The following GRIK2 variants were observed in gnomAD, a reference collection of about 807,000 sequenced individuals.
GRIK2 encodes glutamate receptor ionotropic, kainate 2.
Under a neutral mutation model 100.3 loss-of-function variants are expected in GRIK2, and 32 were observed. That is an observed-to-expected ratio of 0.32 (90% CI 0.24 to 0.43). GRIK2 has a LOEUF of 0.43. GRIK2 is among the 20% of genes least tolerant of loss of function. The pLI is 1.00. For synonymous variants in GRIK2, 417 were observed against 389.4 expected, an observed-to-expected ratio of 1.07 and a Z score of -0.83; for missense variants, 843 against 1,114.9, an observed-to-expected ratio of 0.76 and a Z score of 3.47.
chr6:101,492,394 G>A (rs1158275789), intron 2 of GRIK2, among the ~76,000 whole-genome samples: 6 of 151,784 alleles, frequency 4.0e-5, no homozygotes, highest in Non-Finnish European at 7.4e-5. Context: ...TGGCATACCA[G>A]TCATCTCTAG....
intron 7 of GRIK2, among the ~76,000 whole-genome samples, chr6:101,793,205 A>C (rs1181201471): frequency 6.6e-6 from 1 of 152,144 alleles, no homozygotes; most frequent in East Asian, 1.9e-4. Context: ...TCTTCTCTCA[A>C]CTTGTCAACG....
intron 2 of GRIK2, among the ~76,000 whole-genome samples, chr6:101,569,004 A>G (rs1223447577): frequency 1.3e-5 from 2 of 152,048 alleles, no homozygotes; most frequent in African/African-American, 4.8e-5. Flanking sequence ...TACAAAGACA[A>G]GGACCCTCCA....
chr6:101,643,832 A>T (rs189852404), intron 4 of GRIK2, among the ~76,000 whole-genome samples: 3 of 151,848 alleles, frequency 2.0e-5, no homozygotes, highest in African/African-American at 7.2e-5. Flanking sequence ...TCATATTTTT[A>T]AAACCAAGGA....
intron 2 of GRIK2, among the ~76,000 whole-genome samples, chr6:101,431,937 T>C (rs1201977671): frequency 6.6e-6 from 1 of 152,104 alleles, no homozygotes; most frequent in Non-Finnish European, 1.5e-5. Flanking sequence ...TGAGATGTGT[T>C]CCCAACAAAA....
chr6:101,913,515 CTTCA>C (rs1371959776), intron 12 of GRIK2, among the ~76,000 whole-genome samples: 2 of 151,508 alleles, frequency 1.3e-5, no homozygotes, highest in African/African-American at 4.8e-5. Flanking sequence ...AAATGACATA[CTTCA>C]TTCATTTAAT....
chr6:101,484,002 G>A (rs907257217), intron 2 of GRIK2, among the ~76,000 whole-genome samples: 3 of 152,198 alleles, frequency 2.0e-5, no homozygotes, highest in African/African-American at 7.2e-5. Flanking sequence ...TTAGAGTGTT[G>A]TATAGACTTT....
chr6:101,818,817 T>C (rs1230006834), intron 10 of GRIK2, among the ~76,000 whole-genome samples: 1 of 152,172 alleles, frequency 6.6e-6, no homozygotes, highest in East Asian at 1.9e-4. Flanking sequence ...TATAGTTAAG[T>C]GATGAGCCAA....
In GRIK2 at chr6:101,676,783, G is replaced by A; in HGVS notation, c.702G>A (p.Met234Ile). 1.9e-6 allele frequency: 3 copies of A among 1,600,602 alleles called. No individual in the cohort carries two copies. Among genetic ancestry groups the A allele is most frequent in the South Asian group, 2.3e-5 (2 of 88,348 alleles). Residue 234 changes from methionine (M) to isoleucine (I), a missense_variant, in exon 5 of 17, where the codon ATG (methionine) becomes ATA (isoleucine). This residue lies in a region of GRIK2 where 519 missense variants were observed against 643.8 expected (regional missense o/e 0.81). Coordinates refer to ENST00000369134, the MANE Select transcript of GRIK2 (RefSeq NM_021956.5). ...TAATCTTTGATTGTAGCCATGAAAT[G>A]GCAGCAGGCATTTTAAAACAGGTAA... ...FHVIFDCSHE[M>I]AAGILKQALA...
At chr6:101,736,890 C>T (rs1205763094) in intron 7 of GRIK2, among the ~76,000 whole-genome samples, 1 of 152,126 alleles carries the variant, frequency 6.6e-6, no homozygotes, top group African/African-American at 2.4e-5. Flanking sequence ...TGCTCTGCTT[C>T]CCTTATTAAC....
chr6:101,616,954 GT>G (rs1208196158), intron 2 of GRIK2, among the ~76,000 whole-genome samples: 2 of 151,266 alleles, frequency 1.3e-5, no homozygotes, highest in East Asian at 1.9e-4. Flanking sequence ...TCAGTAGCTA[GT>G]TTTTTTATTG....
At chr6:101,988,428 G>C (rs1345928085) in intron 14 of GRIK2, among the ~76,000 whole-genome samples, 1 of 151,694 alleles carries the variant, frequency 6.6e-6, no homozygotes, top group Non-Finnish European at 1.5e-5. Context: ...GTTATTTTTA[G>C]CTCTAATTTT....
At chr6:101,924,353 A>G (rs1246402533) in intron 12 of GRIK2, among the ~76,000 whole-genome samples, 1 of 152,236 alleles carries the variant, frequency 6.6e-6, no homozygotes, top group African/African-American at 2.4e-5. Flanking sequence ...ACTGATATAC[A>G]GATTTTCCTC....
intron 14 of GRIK2, among the ~76,000 whole-genome samples, chr6:102,002,322 T>C (rs1794985569): frequency 6.8e-6 from 1 of 147,774 alleles, no homozygotes; most frequent in Non-Finnish European, 1.5e-5. Context: ...ATACATACTA[T>C]ATATATTATA....
intron 7 of GRIK2, among the ~76,000 whole-genome samples, chr6:101,713,448 T>C (rs1773854477): frequency 6.6e-6 from 1 of 151,810 alleles, no homozygotes; most frequent in African/African-American, 2.4e-5. Flanking sequence ...ATTAGTTCTG[T>C]TTCATTAAAA....
intron 10 of GRIK2, among the ~76,000 whole-genome samples, chr6:101,841,874 T>G (rs576793313): frequency 9.9e-5 from 15 of 152,222 alleles, no homozygotes; most frequent in African/African-American, 3.6e-4. Flanking sequence ...ACTTGGTACC[T>G]GGATTTAATA....
chr6:101,588,668 G>GCA lies in GRIK2; in HGVS notation c.116-33266_116-33265dup, dbSNP rs554114141. ...GAAACTGCATGACACACACGCACAC[G>GCA]CACACACACACACACAGAAAAGAAA... On this transcript the variant is annotated intron_variant, in intron 2 of 16. Coordinates refer to ENST00000369134, the MANE Select transcript of GRIK2 (RefSeq NM_021956.5). Among the ~76,000 whole-genome samples the GCA allele has an allele frequency of 7.2e-3, 1,035 of 143,202 alleles. 12 individuals are homozygous for GCA. The highest frequency in any genetic ancestry group is 0.025 in the African/African-American group (944 of 37,224). The allele number at this position is 143,202 out of a possible 152,430, so 93.9% of individuals were successfully genotyped here.
rs572644499 is a variant in GRIK2 at position 101,578,518 on chromosome 6, G to A, written c.116-43431G>A. Among the ~76,000 whole-genome samples, 6 of 152,200 alleles carry A rather than the reference G, an allele frequency of 3.9e-5. No homozygotes were observed. In the South Asian group the frequency reaches 1.2e-3, roughly 32 times the overall value. On this transcript the variant is annotated intron_variant, in intron 2 of 16. Coordinates refer to ENST00000369134, the MANE Select transcript of GRIK2 (RefSeq NM_021956.5). ...GAGCTAATCAGAGTCTAGCATATGGGGCATTTGAACAAGGAAATGGATGTT... is the reference window on the plus strand; with the variant it reads ...GAGCTAATCAGAGTCTAGCATATGGAGCATTTGAACAAGGAAATGGATGTT...
At chr6:101,816,560 G>A (rs631780) in intron 9 of GRIK2, among the ~76,000 whole-genome samples, 17,538 of 151,894 alleles carry the variant, frequency 0.12, 1,093 homozygotes, top group Admixed American at 0.16. Flanking sequence ...GCGTGTTGGC[G>A]GGCGCCTGCA....
In GRIK2 at chr6:101,816,210, C is replaced by G. The variant is rs574019505; in HGVS notation, c.1204-2160C>G. Among the ~76,000 whole-genome samples, 12 of 151,516 alleles carry G rather than the reference C, an allele frequency of 7.9e-5. No individual in the cohort carries two copies. In the South Asian group the frequency reaches 2.5e-3, roughly 32 times the overall value. ...TGGTTTCACTGGTAGCATTACACAT[C>G]TGAAAATCTTAGCTATTTTGCCAAT... On this transcript the variant is annotated intron_variant, in intron 9 of 16. Coordinates refer to ENST00000369134, the MANE Select transcript of GRIK2 (RefSeq NM_021956.5).
Sources: gnomAD v4.1 joint callset for allele counts (sites outside exome capture counted in the v4.1 genomes callset) on GRCh38, gnomAD v4.1.1 for gene constraint, gnomAD v4.1.1 regional missense constraint, MANE v1.5 for transcripts, NCBI Gene and HGNC (gene_info 2026-07-23, HGNC 2026-07-21) for gene names.